CAMTA1: variants seen among roughly 807,000 people sequenced by gnomAD.
CAMTA1 encodes the protein calmodulin-binding transcription activator 1.
In CAMTA1, 27 loss-of-function variants were observed where a neutral mutation model predicts 170.9. That is an observed-to-expected ratio of 0.16 (90% CI 0.12 to 0.22). The LOEUF (loss-of-function observed/expected upper bound fraction) is 0.22. Ranked by LOEUF, CAMTA1 falls within the 10% of genes least tolerant of loss-of-function variation. The probability of loss-of-function intolerance (pLI) is 1.00; values close to 1 mark genes in which losing one functional copy is unlikely to be tolerated. For missense variants in CAMTA1, 1,619 were observed against 2,217.2 expected (o/e 0.73, Z 5.42); for synonymous variants, 833 against 891.5 (o/e 0.93, Z 1.17).
At position 6,820,198 on chromosome 1, in the gene CAMTA1, A is replaced by G; in HGVS notation, c.63A>G (p.Val21=). Residue 21 remains valine (V), a synonymous_variant, in exon 2 of 23, where the codon GTA becomes GTG. Transcript: ENST00000303635. ...KTSRKSVSQS[V]FCGTSTYCVL... ...TTCCTTAGAGCGTTTCCCAAAGTGT[A>G]TTCTGCGGAACTAGCACCTACTGTG... is the stretch of plus-strand genomic sequence containing the variant. 1 of 1,601,936 alleles carries G rather than the reference A, an allele frequency of 6.2e-7. No individual in the cohort carries two copies. Among genetic ancestry groups the G allele is most frequent in the Non-Finnish European group, 8.6e-7 (1 of 1,168,898 alleles).
At chr1:6,799,260 G>A (rs1643338848) in intron 1 of CAMTA1, among the ~76,000 whole-genome samples, 1 of 152,178 alleles carries the variant, frequency 6.6e-6, no homozygotes, top group South Asian at 2.1e-4. Context: ...ATGGAGAAAG[G>A]GTCTTGCTAT....
intron 5 of CAMTA1, among the ~76,000 whole-genome samples, chr1:7,445,762 TC>T (rs1415554718): frequency 6.6e-6 from 1 of 152,196 alleles, no homozygotes; most frequent in Non-Finnish European, 1.5e-5. Context: ...GGAGGTTGCC[TC>T]CTCTTCCTAA....
At chr1:7,152,780 G>A (rs1416477617) in intron 4 of CAMTA1, among the ~76,000 whole-genome samples, 3 of 152,212 alleles carry the variant, frequency 2.0e-5, no homozygotes, top group Non-Finnish European at 4.4e-5. Flanking sequence ...ATGTGGCCAT[G>A]TCGTGTTTCA....
intron 6 of CAMTA1, among the ~76,000 whole-genome samples, chr1:7,510,536 C>T (rs918213225): frequency 1.4e-5 from 2 of 146,550 alleles, no homozygotes; most frequent in Admixed American, 1.4e-4. Flanking sequence ...ACTATGACTG[C>T]GATGGGCAGA....
At chr1:7,581,486 T>C (rs893336613) in intron 6 of CAMTA1, among the ~76,000 whole-genome samples, 5 of 152,168 alleles carry the variant, frequency 3.3e-5, no homozygotes, top group South Asian at 2.1e-4. Flanking sequence ...GGTTTTTAAT[T>C]TGGAGAAAGT....
chr1:6,805,574 T>G (rs1402545265), intron 1 of CAMTA1, among the ~76,000 whole-genome samples: 2 of 152,214 alleles, frequency 1.3e-5, no homozygotes, highest in Non-Finnish European at 2.9e-5. Context: ...GATGCAGTCA[T>G]GTCTCCCTGC....
chr1:7,557,753 A>G (rs2094899063), intron 6 of CAMTA1, among the ~76,000 whole-genome samples: 1 of 152,158 alleles, frequency 6.6e-6, no homozygotes, highest in Admixed American at 6.5e-5. Flanking sequence ...AGCTGGACAC[A>G]GTCCCTGACC....
At position 7,685,071 on chromosome 1, in the gene CAMTA1, C is replaced by CGCG. The variant is rs2096246957; in HGVS notation, c.2914+7339_2914+7340insCGG. Among the ~76,000 whole-genome samples, 2 of 149,262 alleles carry CGCG rather than the reference C, an allele frequency of 1.3e-5. No individual in the cohort carries two copies. Among genetic ancestry groups the CGCG allele is most frequent in the African/African-American group, 2.5e-5 (1 of 40,428 alleles). ...TTTGAGGAGTTCGCAGGCACCGTCC[C>CGCG]GTGGTCACAGGTGGCGTGTTTTGAG... On this transcript the variant is annotated intron_variant, in intron 11 of 22. Transcript: ENST00000303635. This position sits in a 1 kb window ranked among gnomAD's most constrained non-coding sequence, Gnocchi z 5.7.
At position 7,498,462 on chromosome 1, in the gene CAMTA1, AGTGT is replaced by A. The variant is rs377570197; in HGVS notation, c.510+30567_510+30570del. 2.1e-3 allele frequency among the ~76,000 whole-genome samples: 306 copies of A among 148,038 alleles called. 1 individual carries two copies. The highest frequency in any genetic ancestry group is 2.2e-3 in the Non-Finnish European group (146 of 66,692). Reference sequence around the variant, plus strand: ...ATGAGTGTGTGTGAATGTGCATGACAGTGTGTGTGGATGTGTGAGCATGTATGAG... The same window carrying A: ...ATGAGTGTGTGTGAATGTGCATGACAGTGTGGATGTGTGAGCATGTATGAG... On this transcript the variant is annotated intron_variant, in intron 6 of 22. Coordinates refer to ENST00000303635, the MANE Select transcript of CAMTA1 (RefSeq NM_015215.4).
Position 7,378,760 on chromosome 1 carries a change from A to G in CAMTA1, c.439-89070A>G, listed in dbSNP as rs149452282. Among the ~76,000 whole-genome samples the G allele has an allele frequency of 4.1e-3, 624 of 152,228 alleles. 13 individuals carry two copies. Among genetic ancestry groups the G allele is most frequent in the Admixed American group, 0.035 (534 of 15,294 alleles). On this transcript the variant is annotated intron_variant, in intron 5 of 22. Coordinates refer to ENST00000303635, the MANE Select transcript of CAMTA1 (RefSeq NM_015215.4). ...GTGAATTTTATGATATGTGAATTTTACTTCAATTAAAAAAAAATCGGAGAC... is the reference window on the plus strand; with the variant it reads ...GTGAATTTTATGATATGTGAATTTTGCTTCAATTAAAAAAAAATCGGAGAC...
intron 6 of CAMTA1, among the ~76,000 whole-genome samples, chr1:7,613,374 G>T (rs1471898555): frequency 6.6e-6 from 1 of 152,174 alleles, no homozygotes; most frequent in Non-Finnish European, 1.5e-5. Context: ...TGAGTGGTGG[G>T]CATGGACTGG....
chr1:7,169,109 T>C (rs75576530), intron 4 of CAMTA1, among the ~76,000 whole-genome samples: 1,691 of 152,338 alleles, frequency 0.011, 15 homozygotes, highest in Non-Finnish European at 0.016. Flanking sequence ...TTTTCTAATA[T>C]TAATCTAACT....
chr1:7,003,454 C>A (rs901417198), intron 3 of CAMTA1, among the ~76,000 whole-genome samples: 1 of 152,160 alleles, frequency 6.6e-6, no homozygotes, highest in Non-Finnish European at 1.5e-5. Flanking sequence ...GGGAATGATC[C>A]CTGTAGCATA....
At chr1:7,021,203 A>C (rs1701289279) in intron 3 of CAMTA1, among the ~76,000 whole-genome samples, 1 of 152,190 alleles carries the variant, frequency 6.6e-6, no homozygotes, top group Non-Finnish European at 1.5e-5. Flanking sequence ...GTGGCTTCTG[A>C]ACGTGGCCGT....
chr1:7,307,924 A>G (rs971814633), intron 5 of CAMTA1, among the ~76,000 whole-genome samples: 2 of 152,054 alleles, frequency 1.3e-5, no homozygotes, highest in African/African-American at 4.8e-5. Flanking sequence ...TGTAAAATTG[A>G]TACTATTTCT....
At chr1:7,696,184 GTT>G (rs903050386) in intron 11 of CAMTA1, among the ~76,000 whole-genome samples, 2 of 111,224 alleles carry the variant, frequency 1.8e-5, no homozygotes, top group African/African-American at 3.5e-5. Flanking sequence ...CTAAGTTTTT[GTT>G]TTGTTGTTGC....
intron 7 of CAMTA1, among the ~76,000 whole-genome samples, chr1:7,656,573 T>G (rs2095904909): frequency 6.6e-6 from 1 of 152,144 alleles, no homozygotes; most frequent in Admixed American, 6.5e-5. Context: ...CAGAGGAAAA[T>G]AGGACGGCCC....
At chr1:6,795,114 G>A (rs1642169695) in intron 1 of CAMTA1, among the ~76,000 whole-genome samples, 2 of 152,022 alleles carry the variant, frequency 1.3e-5, no homozygotes, top group Non-Finnish European at 2.9e-5. Context: ...GTTGGGGGGC[G>A]GCTGTGTCCT....
At chr1:7,445,191 A>C (rs1358536302) in intron 5 of CAMTA1, among the ~76,000 whole-genome samples, 1 of 151,770 alleles carries the variant, frequency 6.6e-6, no homozygotes, top group Non-Finnish European at 1.5e-5. Context: ...TGGCCTGGAC[A>C]GATGGGGAGA....
Sources: allele counts gnomAD v4.1 joint callset (sites outside exome capture counted in the v4.1 genomes callset), GRCh38; gene constraint gnomAD v4.1.1; non-coding constraint Gnocchi (gnomAD v3.1); transcripts MANE v1.5; gene names NCBI Gene and HGNC (gene_info 2026-07-23, HGNC 2026-07-21).